SPON1: variants seen among roughly 807,000 people sequenced by gnomAD.
The protein encoded by SPON1 is spondin 1.
A neutral mutation model predicts 111.7 loss-of-function variants in SPON1; 52 were observed. The ratio of observed to expected loss-of-function variants is 0.47; its 90% CI spans 0.37 to 0.59. The LOEUF (loss-of-function observed/expected upper bound fraction) is 0.59. Among genes scored for constraint, SPON1 ranks in the 20% least tolerant of loss-of-function variants. SPON1 has a pLI of 0.00. For synonymous variants in SPON1, 410 were observed against 395.8 expected, an observed-to-expected ratio of 1.04 and a Z score of -0.43; for missense variants, 957 against 1,068.5, an observed-to-expected ratio of 0.90 and a Z score of 1.46.
intron 6 of SPON1, among the ~76,000 whole-genome samples, chr11:14,220,618 C>T (rs1848670915): frequency 6.6e-6 from 1 of 152,144 alleles, no homozygotes; most frequent in Non-Finnish European, 1.5e-5. Context: ...TCTAATATAG[C>T]ATCATAAAAT....
intron 6 of SPON1, among the ~76,000 whole-genome samples, chr11:14,238,906 CTTTG>C (rs1242831638): frequency 6.6e-6 from 1 of 152,186 alleles, no homozygotes; most frequent in Non-Finnish European, 1.5e-5. Context: ...CCCTGAGACA[CTTTG>C]TTTGAAAAGG....
At chr11:14,014,057 G>T (rs181628620) in intron 2 of SPON1, among the ~76,000 whole-genome samples, 1 of 152,266 alleles carries the variant, frequency 6.6e-6, no homozygotes, top group East Asian at 1.9e-4. Flanking sequence ...AGTTAATGCT[G>T]GGGGAGAAGC....
At chr11:14,110,248 C>T (rs1849217387) in intron 5 of SPON1, among the ~76,000 whole-genome samples, 1 of 152,190 alleles carries the variant, frequency 6.6e-6, no homozygotes, top group African/African-American at 2.4e-5. Context: ...CCATCAGCCA[C>T]CCCATCTCCT....
chr11:14,063,205 GA>G (rs1358982002), intron 3 of SPON1, among the ~76,000 whole-genome samples: 1 of 151,952 alleles, frequency 6.6e-6, no homozygotes, highest in Non-Finnish European at 1.5e-5. Context: ...TTGCCAACTT[GA>G]AAACAATTTG....
chr11:14,061,648 C>T (rs564844298), intron 3 of SPON1, among the ~76,000 whole-genome samples: 20 of 152,284 alleles, frequency 1.3e-4, no homozygotes, highest in African/African-American at 4.6e-4. Flanking sequence ...AGATTAACTA[C>T]CAGGCCTAAA....
intron 3 of SPON1, among the ~76,000 whole-genome samples, chr11:14,069,060 T>C (rs1410777203): frequency 6.6e-6 from 1 of 152,216 alleles, no homozygotes; most frequent in Non-Finnish European, 1.5e-5. Flanking sequence ...TATATGAATC[T>C]ACAATATCTC....
intron 6 of SPON1, among the ~76,000 whole-genome samples, chr11:14,151,486 T>C (rs1847787561): frequency 6.6e-6 from 1 of 152,172 alleles, no homozygotes. Flanking sequence ...ACGTATTTGT[T>C]CATTCAACAA....
intron 6 of SPON1, among the ~76,000 whole-genome samples, chr11:14,199,638 A>G (rs1554935411): frequency 6.6e-6 from 1 of 152,074 alleles, no homozygotes; most frequent in Admixed American, 6.5e-5. Context: ...TAACAATGGC[A>G]CCCTCCTGCT....
In SPON1 at chr11:14,114,940, T is replaced by G. The variant is rs187756422; in HGVS notation, c.677-20480T>G. 1.4e-4 allele frequency among the ~76,000 whole-genome samples: 21 copies of G among 152,314 alleles called. No homozygotes were observed. The East Asian group carries it at 4.1e-3, about 29-fold the overall frequency. On this transcript the variant is annotated intron_variant, in intron 5 of 15. Coordinates refer to ENST00000576479, the MANE Select transcript of SPON1 (RefSeq NM_006108.4). ...GGACCAAACTCTCTCTTTACCAAGC[T>G]GCCTCCCTGACAGGTCAAATCCCAG...
intron 6 of SPON1, chr11:14,224,767 G>C (rs782362730): frequency 4.0e-6 from 2 of 498,930 alleles, no homozygotes; most frequent in South Asian, 1.5e-5. Context: ...ATATGAGGCC[G>C]GAGAAGTAGG....
chr11:14,162,254 GA>G (rs1380203231), intron 6 of SPON1, among the ~76,000 whole-genome samples: 1 of 151,948 alleles, frequency 6.6e-6, no homozygotes, highest in African/African-American at 2.4e-5. Context: ...TATGTAGAGA[GA>G]GGGGGGAAAC....
intron 6 of SPON1, among the ~76,000 whole-genome samples, chr11:14,158,852 C>G (rs1847878634): frequency 1.3e-5 from 2 of 152,100 alleles, no homozygotes. Flanking sequence ...CTCCTACATG[C>G]AAGTCTTTCT....
At chr11:14,030,163 G>T (rs782213765) in intron 2 of SPON1, among the ~76,000 whole-genome samples, 25 of 152,216 alleles carry the variant, frequency 1.6e-4, no homozygotes, top group Non-Finnish European at 3.2e-4. Flanking sequence ...CAGTCTGCCT[G>T]CCCTCCTCCC....
chr11:14,137,786 T>C (rs554265956), intron 6 of SPON1, among the ~76,000 whole-genome samples: 1 of 152,230 alleles, frequency 6.6e-6, no homozygotes, highest in South Asian at 2.1e-4. Context: ...ACCTGTATAA[T>C]TTCCCTGTCC....
intron 1 of SPON1, among the ~76,000 whole-genome samples, chr11:13,976,173 A>G (rs574478470): frequency 2.0e-5 from 3 of 152,214 alleles, no homozygotes; most frequent in Non-Finnish European, 4.4e-5. Context: ...TTTGCTGTTA[A>G]TCAGTTCCCC....
At chr11:14,101,334 A>G (rs1229678849) in intron 5 of SPON1, among the ~76,000 whole-genome samples, 3 of 152,156 alleles carry the variant, frequency 2.0e-5, no homozygotes, top group African/African-American at 7.2e-5. Context: ...CACGAGGCAG[A>G]GGTTGCAGTG....
intron 2 of SPON1, among the ~76,000 whole-genome samples, chr11:13,989,431 ACT>A (rs1257758316): frequency 4.0e-5 from 6 of 150,838 alleles, no homozygotes; most frequent in Admixed American, 4.0e-4. Context: ...TATTGATTCT[ACT>A]CTCTTTTCTT....
At chr11:14,243,911 G>A (rs1403030019) in intron 7 of SPON1, among the ~76,000 whole-genome samples, 1 of 152,140 alleles carries the variant, frequency 6.6e-6, no homozygotes, top group Non-Finnish European at 1.5e-5. Flanking sequence ...TGGATACAGT[G>A]GTATATCCGT....
chr11:14,008,146 AT>A (rs1299178059), intron 2 of SPON1, among the ~76,000 whole-genome samples: 2 of 152,074 alleles, frequency 1.3e-5, no homozygotes, highest in African/African-American at 4.8e-5. Flanking sequence ...ATTAATACAG[AT>A]TTTAAAAATA....
Sources: allele counts gnomAD v4.1 joint callset (sites outside exome capture counted in the v4.1 genomes callset), GRCh38; gene constraint gnomAD v4.1.1; transcripts MANE v1.5; gene names NCBI Gene and HGNC (gene_info 2026-07-23, HGNC 2026-07-21).